SIRPG: variants seen among roughly 807,000 people sequenced by gnomAD.
SIRPG encodes the protein signal regulatory protein gamma.
A neutral mutation model predicts 35.7 loss-of-function variants in SIRPG; 38 were observed. The observed-to-expected ratio is 1.06, with a 90% CI of 0.82 to 1.40. The LOEUF (loss-of-function observed/expected upper bound fraction) is 1.40. Among genes scored for constraint, SIRPG ranks in the 40% most tolerant of loss-of-function variants. The pLI, the probability that SIRPG is intolerant of heterozygous loss-of-function variation, is 0.00. For missense variants in SIRPG, 519 were observed against 483.0 expected, an observed-to-expected ratio of 1.07 and a Z score of -0.70; for synonymous variants, 215 against 190.4, an observed-to-expected ratio of 1.13 and a Z score of -1.06.
At chr20:1,672,401 G>A in the SIRPG span, among the ~76,000 whole-genome samples, 1 of 152,194 alleles carries the variant, frequency 6.6e-6, no homozygotes, top group East Asian at 1.9e-4. Flanking sequence ...TTAACGAAGA[G>A]CCGAGAGTTT....
the SIRPG span, among the ~76,000 whole-genome samples, chr20:1,668,181 T>C: frequency 8.9e-6 from 1 of 112,202 alleles, no homozygotes; most frequent in Non-Finnish European, 1.9e-5. Flanking sequence ...TTTTCTTTCT[T>C]TCTTTCTTTT....
rs565594661 is a variant in SIRPG, at chr20:1,654,432, A to G, written c.73+3210T>C. 9.0e-4 allele frequency among the ~76,000 whole-genome samples: 137 copies of G among 152,292 alleles called. 1 individual carries two copies. The highest frequency in any genetic ancestry group is 7.9e-3 in the South Asian group (38 of 4,824). ...GACTATTGACAAAAGTGTGAAGAAA[A>G]CACAATGGTGAAAGGTCTGTCTCTT... On this transcript the variant is annotated intron_variant, in intron 1 of 5. Transcript: ENST00000303415.
At chr20:1,680,261 T>A in the SIRPG span, among the ~76,000 whole-genome samples, 1 of 152,284 alleles carries the variant, frequency 6.6e-6, no homozygotes, top group East Asian at 1.9e-4. Flanking sequence ...CCCCAGGGCT[T>A]TTGATGCAGA....
At chr20:1,639,633 C>T (rs556497837) in intron 2 of SIRPG, among the ~76,000 whole-genome samples, 2 of 152,170 alleles carry the variant, frequency 1.3e-5, no homozygotes, top group South Asian at 4.1e-4. Flanking sequence ...TAATTAGATA[C>T]CATTTGTCAA....
At chr20:1,669,457 T>C in the SIRPG span, among the ~76,000 whole-genome samples, 1 of 152,218 alleles carries the variant, frequency 6.6e-6, no homozygotes, top group Non-Finnish European at 1.5e-5. Flanking sequence ...CTGTGACCAG[T>C]CACGGTCCCC....
chr20:1,685,703 C>G, the SIRPG span, among the ~76,000 whole-genome samples: 3 of 152,258 alleles, frequency 2.0e-5, no homozygotes, highest in Admixed American at 1.3e-4. Flanking sequence ...GGTGGTAACA[C>G]TGAGATTACA....
rs112423024 is a variant in SIRPG, at chr20:1,640,356, T to C, written c.431-3851A>G. Among the ~76,000 whole-genome samples the C allele has an allele frequency of 1.6e-3, 249 of 152,320 alleles. 1 individual carries two copies. Among genetic ancestry groups the C allele is most frequent in the African/African-American group, 5.7e-3 (235 of 41,562 alleles). On this transcript the variant is annotated intron_variant, in intron 2 of 5. Transcript: ENST00000303415. ...GTAAGTTGTATTCCTAGGCATTTTA[T>C]TCTCTTTGTACCAATTGTGAATGGG...
chr20:1,639,178 T>A (rs567789930), intron 2 of SIRPG, among the ~76,000 whole-genome samples: 1 of 152,174 alleles, frequency 6.6e-6, no homozygotes, highest in Admixed American at 6.5e-5. Flanking sequence ...TGGTTCTTGA[T>A]CCTTAAGGAG....
At position 1,629,205 on chromosome 20, in the gene SIRPG, C is replaced by T. The variant is rs1484709143; in HGVS notation, c.*434G>A. ...ACCACTTTGGGAGTGCATTTGTATTCAAGAGGCAATAGAGAACCTCAACAA... is the reference window on the plus strand; with the variant it reads ...ACCACTTTGGGAGTGCATTTGTATTTAAGAGGCAATAGAGAACCTCAACAA... On this transcript the variant is annotated 3_prime_UTR_variant, in exon 6 of 6. Coordinates refer to ENST00000303415, the MANE Select transcript of SIRPG (RefSeq NM_018556.4). 6.6e-6 allele frequency: 1 copy of T among 152,144 alleles called. No homozygotes were observed. Among genetic ancestry groups the T allele is most frequent in the African/African-American group, 2.4e-5 (1 of 41,400 alleles). The allele number at this position is 152,144 out of a possible 1,614,324, so 9.4% of individuals were successfully genotyped here.
chr20:1,654,970 A>C (rs1220999996), intron 1 of SIRPG, among the ~76,000 whole-genome samples: 1 of 152,204 alleles, frequency 6.6e-6, no homozygotes, highest in Non-Finnish European at 1.5e-5. Flanking sequence ...GCAAATTAAA[A>C]CCGCAGTGGG....
chr20:1,657,523 T>C (rs1568741621), intron 1 of SIRPG, 119 bp downstream of exon 1: 1 of 961,402 alleles, frequency 1.0e-6, no homozygotes, highest in Non-Finnish European at 1.6e-6. Flanking sequence ...TCTTGGACAA[T>C]GTCCAGTCCT....
the SIRPG span, among the ~76,000 whole-genome samples, chr20:1,669,119 CAATGTCTAGCAGAAGGG>C: frequency 6.6e-6 from 1 of 152,188 alleles, no homozygotes; most frequent in South Asian, 2.1e-4. Flanking sequence ...ATCCTTGGGA[CAATGTCTAGCAGAAGGG>C]AATATTTCTC....
At chr20:1,647,755 C>A (rs77936846) in intron 2 of SIRPG, 3 of 152,174 alleles carry the variant, frequency 2.0e-5, no homozygotes, top group African/African-American at 4.8e-5. Flanking sequence ...AATCTCGATA[C>A]GGAATGTTAG....
At chr20:1,674,369 A>G in the SIRPG span, among the ~76,000 whole-genome samples, 1 of 152,118 alleles carries the variant, frequency 6.6e-6, no homozygotes, top group Non-Finnish European at 1.5e-5. Flanking sequence ...GTTCATATTT[A>G]TGGAACATTT....
chr20:1,638,983 G>A (rs1311563376), intron 2 of SIRPG, among the ~76,000 whole-genome samples: 1 of 152,136 alleles, frequency 6.6e-6, no homozygotes, highest in African/African-American at 2.4e-5. Flanking sequence ...GTATTCCATG[G>A]TGTATATGTA....
chr20:1,630,174 TGCCCTTCTGAGACA>T (rs1424887399), intron 5 of SIRPG, 34 bp downstream of exon 5: 2 of 1,419,918 alleles, frequency 1.4e-6, no homozygotes, highest in Non-Finnish European at 9.7e-7. Flanking sequence ...CTGTTGGCCT[TGCCCTTCTGAGACA>T]GCCCTTGGTC....
At chr20:1,657,621 C>T (rs1471783216) in intron 1 of SIRPG, 21 bp downstream of exon 1, 1 of 1,613,368 alleles carries the variant, frequency 6.2e-7, no homozygotes, top group South Asian at 1.1e-5. Flanking sequence ...AGAAAGGGTT[C>T]TAGCCCAATG....
chr20:1,636,197 C>T lies in SIRPG; in HGVS notation c.739G>A (p.Ala247Thr). Residue 247 changes from alanine to threonine, a missense_variant, in exon 3 of 6, where the codon GCC (alanine) becomes ACC (threonine). Coordinates refer to ENST00000303415, the MANE Select transcript of SIRPG (RefSeq NM_018556.4). ...TGTGAGGGTCCTCTACCTCGGATGG[C>T]CTCAGACAAGTTGGCAGTCCCACGA... ...PLRGTANLSEAIRVPPTLEVT... is the reference protein window; with the variant it reads ...PLRGTANLSETIRVPPTLEVT... 1.2e-6 allele frequency: 2 copies of T among 1,614,090 alleles called. No homozygotes were observed. Among genetic ancestry groups the T allele is most frequent in the Non-Finnish European group, 1.7e-6 (2 of 1,179,996 alleles).
At chr20:1,636,548 A>G (rs2091804617) in intron 2 of SIRPG, 43 bp from the exon 3 acceptor site, 2 of 1,591,768 alleles carry the variant, frequency 1.3e-6, no homozygotes, top group East Asian at 4.5e-5. Context: ...GACTGAGATG[A>G]CAATCACTAA....
Sources: gnomAD v4.1 joint callset for allele counts (sites outside exome capture counted in the v4.1 genomes callset) on GRCh38, gnomAD v4.1.1 for gene constraint, MANE v1.5 for transcripts, NCBI Gene and HGNC (gene_info 2026-07-23, HGNC 2026-07-21) for gene names.